The following TRHDE variants were observed in gnomAD, a reference collection of about 807,000 sequenced individuals.
TRHDE encodes thyrotropin-releasing hormone-degrading ectoenzyme.
Under a neutral mutation model 125.7 loss-of-function variants are expected in TRHDE, and 72 were observed. That is an observed-to-expected ratio of 0.57 (90% CI 0.47 to 0.70). The LOEUF (loss-of-function observed/expected upper bound fraction) is 0.70. Ranked by LOEUF, TRHDE falls within the 30% of genes least tolerant of loss-of-function variation. The pLI is 0.00. For missense variants in TRHDE, 1,110 were observed against 1,327.1 expected, an observed-to-expected ratio of 0.84 and a Z score of 2.54; for synonymous variants, 509 against 509.1, an observed-to-expected ratio of 1.00 and a Z score of 0.00.
intron 2 of TRHDE, among the ~76,000 whole-genome samples, chr12:72,124,961 C>G (rs929365963): frequency 2.6e-5 from 4 of 152,046 alleles, no homozygotes; most frequent in Admixed American, 6.6e-5. Context: ...GAACTTTTTT[C>G]TTTTAAAGTT....
At chr12:72,638,991 G>A (rs1873902479) in intron 15 of TRHDE, among the ~76,000 whole-genome samples, 1 of 150,944 alleles carries the variant, frequency 6.6e-6, no homozygotes, top group Non-Finnish European at 1.5e-5. Context: ...TCTTGGAGTT[G>A]CTCTTCTCGA....
At chr12:72,151,513 GT>G (rs1222239468) in intron 2 of TRHDE, among the ~76,000 whole-genome samples, 3 of 152,108 alleles carry the variant, frequency 2.0e-5, no homozygotes, top group Non-Finnish European at 4.4e-5. Flanking sequence ...TTCTTCTAGG[GT>G]TTTTATGGTT....
intron 2 of TRHDE, chr12:72,253,541 A>G (rs1194249216): frequency 6.6e-6 from 1 of 152,112 alleles, no homozygotes; most frequent in East Asian, 1.9e-4. Flanking sequence ...TTTTACAGCA[A>G]TTTTAGTCTC....
At chr12:72,153,802 T>A (rs142485386) in intron 2 of TRHDE, among the ~76,000 whole-genome samples, 3 of 152,292 alleles carry the variant, frequency 2.0e-5, no homozygotes, top group East Asian at 1.9e-4. Context: ...TGCTGAGGAG[T>A]GCTTTACTTC....
At chr12:72,499,470 T>C (rs1565767017) in intron 5 of TRHDE, 28 bp from the exon 6 acceptor site, 1 of 1,609,856 alleles carries the variant, frequency 6.2e-7, no homozygotes, top group Non-Finnish European at 8.5e-7. Context: ...GAATCACCTA[T>C]GATATTGCCC....
At chr12:72,566,397 T>G (rs1429251600) in intron 9 of TRHDE, among the ~76,000 whole-genome samples, 41 of 151,976 alleles carry the variant, frequency 2.7e-4, no homozygotes, top group Admixed American at 9.2e-4. Flanking sequence ...GTTTATAGTT[T>G]AACTTAGTTA....
intron 6 of TRHDE, among the ~76,000 whole-genome samples, chr12:72,520,226 G>A (rs898070843): frequency 7.9e-5 from 12 of 152,318 alleles, no homozygotes; most frequent in South Asian, 6.2e-4. Context: ...AATGGCGGGC[G>A]CCCCTCCCCC....
chr12:72,285,670 G>T (rs1211485520), intron 1 of TRHDE, among the ~76,000 whole-genome samples: 4 of 151,760 alleles, frequency 2.6e-5, no homozygotes. Context: ...ACAGGCATGC[G>T]CTACCATGCC....
intron 12 of TRHDE, among the ~76,000 whole-genome samples, chr12:72,617,802 A>T (rs910559932): frequency 6.6e-6 from 1 of 152,162 alleles, no homozygotes; most frequent in Non-Finnish European, 1.5e-5. Context: ...ATGCAGTGAA[A>T]AGCAGAGTCA....
In TRHDE at chr12:72,469,830, G is replaced by A. The variant is rs1470025586; in HGVS notation, c.1388G>A (p.Arg463Lys). The change falls in exon 4 of 19, where the codon AGA (arginine) becomes AAA (lysine). Residue 463 changes from arginine (R) to lysine (K), a missense_variant. By Grantham distance (26) the Arg-to-Lys change is conservative (BLOSUM62 2). Coordinates refer to ENST00000261180, the MANE Select transcript of TRHDE (RefSeq NM_013381.3). Reference protein sequence around the residue: ...NWGLSIFVEQRILLDPSVSSI... With the variant: ...NWGLSIFVEQKILLDPSVSSI... ...GGACTAAGTATTTTTGTGGAACAAA[G>A]AATACTGCTGGATCCCAGTGTTTCA... The A allele has an allele frequency of 1.2e-6, 2 of 1,613,874 alleles. No homozygotes were observed. Among genetic ancestry groups the A allele is most frequent in the Non-Finnish European group, 1.7e-6 (2 of 1,179,900 alleles).
At chr12:72,149,370 A>T (rs1185498993) in intron 2 of TRHDE, among the ~76,000 whole-genome samples, 1 of 152,220 alleles carries the variant, frequency 6.6e-6, no homozygotes, top group African/African-American at 2.4e-5. Context: ...TCAATTCTTC[A>T]GTCAATACGA....
intron 12 of TRHDE, among the ~76,000 whole-genome samples, chr12:72,583,965 C>A (rs1314488267): frequency 2.0e-5 from 2 of 98,634 alleles, no homozygotes; most frequent in Admixed American, 1.1e-4. Context: ...CGGAGTCTCG[C>A]TGTCGCCCAG....
upstream of TRHDE, among the ~76,000 whole-genome samples, chr12:72,267,823 AGTT>A (rs1239982809): frequency 6.6e-6 from 1 of 152,090 alleles, no homozygotes; most frequent in South Asian, 2.1e-4. Flanking sequence ...TGAAGGTGTT[AGTT>A]GTTGTGGACA....
intron 18 of TRHDE, 123 bp downstream of exon 18, chr12:72,657,131 C>A: frequency 1.6e-6 from 1 of 610,542 alleles, no homozygotes; most frequent in Admixed American, 2.8e-5. Context: ...ACGCACACCA[C>A]ACACACACAC....
At chr12:72,319,378 C>T (rs1341044928) in intron 2 of TRHDE, among the ~76,000 whole-genome samples, 7 of 152,018 alleles carry the variant, frequency 4.6e-5, no homozygotes, top group East Asian at 3.9e-4. Context: ...TTCAGTAGAC[C>T]GTCAGAAGTT....
At chr12:72,637,810 G>A (rs1221167020) in intron 15 of TRHDE, among the ~76,000 whole-genome samples, 5 of 151,958 alleles carry the variant, frequency 3.3e-5, no homozygotes, top group African/African-American at 1.2e-4. Context: ...GTAGTTGAGT[G>A]GTTTTGAGTG....
intron 2 of TRHDE, among the ~76,000 whole-genome samples, chr12:72,203,669 A>G (rs1409271400): frequency 6.6e-6 from 1 of 152,166 alleles, no homozygotes; most frequent in Non-Finnish European, 1.5e-5. Flanking sequence ...TGATATTTCT[A>G]ATAAACTTTC....
rs142161466 is a variant in TRHDE at position 72,469,882 on chromosome 12, C to T, written c.1440C>T (p.Thr480=). The change falls in exon 4 of 19, where the codon ACC becomes ACT. Residue 480 remains threonine (T), a synonymous_variant. Coordinates refer to ENST00000261180, the MANE Select transcript of TRHDE (RefSeq NM_013381.3). ...VSSISYLLDV[T]MVIVHEICHQ... Reference sequence around the variant, plus strand: ...CTATTTCTTATTTGCTGGATGTCACCATGGTCATTGTTCATGAGATATGTC... The same window carrying T: ...CTATTTCTTATTTGCTGGATGTCACTATGGTCATTGTTCATGAGATATGTC... 2 of 1,614,024 alleles carry T rather than the reference C, an allele frequency of 1.2e-6. No individual in the cohort carries two copies. The highest frequency in any genetic ancestry group is 1.1e-5 in the South Asian group (1 of 91,072).
At chr12:72,190,111 C>T (rs1877308571) in intron 2 of TRHDE, among the ~76,000 whole-genome samples, 1 of 152,050 alleles carries the variant, frequency 6.6e-6, no homozygotes, top group Non-Finnish European at 1.5e-5. Flanking sequence ...TTTTGCCTCA[C>T]CAGGCATTAA....
Sources: allele counts gnomAD v4.1 joint callset (sites outside exome capture counted in the v4.1 genomes callset), GRCh38; gene constraint gnomAD v4.1.1; transcripts MANE v1.5; gene names NCBI Gene and HGNC (gene_info 2026-07-23, HGNC 2026-07-21).